The following PNPLA7 variants were observed in gnomAD, a reference collection of about 807,000 sequenced individuals.
The protein encoded by PNPLA7 is patatin like domain 7, lysophospholipase.
Under a neutral mutation model 161.7 loss-of-function variants are expected in PNPLA7, and 153 were observed. The observed-to-expected ratio is 0.95, with a 90% CI of 0.83 to 1.08. PNPLA7 has a LOEUF of 1.08. Ranked by LOEUF, PNPLA7 falls within the 50% of genes least tolerant of loss-of-function variation. PNPLA7 has a pLI of 0.00. For missense variants in PNPLA7, 1,739 were observed against 1,856.6 expected (o/e 0.94, Z 1.16); for synonymous variants, 809 against 782.1 (o/e 1.03, Z -0.57).
In PNPLA7 at chr9:137,490,071, A is replaced by G. The variant is rs543290398; in HGVS notation, c.2197+2942T>C. The stretch of plus-strand genomic sequence containing the variant: ...GACACTTCCAAATCACATTTCTGAA[A>G]ACTAAAGACAGAGAAAAACACCTTT... On this transcript the variant is annotated intron_variant, in intron 20 of 34. Transcript: ENST00000406427. The surrounding 1 kb of genome is among the most constrained non-coding windows in gnomAD (Gnocchi z 4.1). Among the ~76,000 whole-genome samples the G allele has an allele frequency of 1.6e-4, 25 of 152,214 alleles. No individual in the cohort carries two copies. Among genetic ancestry groups the G allele is most frequent in the Admixed American group, 6.5e-5 (1 of 15,278 alleles).
chr9:137,543,708 G>T lies in PNPLA7; in HGVS notation c.365+16C>A. The T allele has an allele frequency of 3.1e-6, 5 of 1,613,476 alleles. No homozygotes were observed. Among genetic ancestry groups the T allele is most frequent in the Non-Finnish European group, 4.2e-6 (5 of 1,179,462 alleles). On this transcript the variant is annotated intron_variant, in intron 5 of 34. Coordinates refer to ENST00000406427, the MANE Select transcript of PNPLA7 (RefSeq NM_001098537.3). The surrounding 1 kb of genome is among the most constrained non-coding windows in gnomAD (Gnocchi z 6.9). ...GGGCACCTGGGGCAGGATGTGGTCT[G>T]AAGGACACACAGTACCTCTTGGCCA... is the stretch of plus-strand genomic sequence containing the variant.
rs182738585 is a variant in PNPLA7 at position 137,496,497 on chromosome 9, C to T, written c.2013+690G>A. On this transcript the variant is annotated intron_variant, in intron 18 of 34. Coordinates refer to ENST00000406427, the MANE Select transcript of PNPLA7 (RefSeq NM_001098537.3). ...GAGGCTGAAGTGAGTGAATCACCTG[C>T]GGTCGGGAGTTGGAGACCAGCCTGA... Among the ~76,000 whole-genome samples, 7 of 151,698 alleles carry T rather than the reference C, an allele frequency of 4.6e-5. No individual in the cohort carries two copies. In the East Asian group the frequency reaches 7.9e-4, roughly 17 times the overall value.
rs770785127 is a variant in PNPLA7 at position 137,524,344 on chromosome 9, T to C, written c.748-1487A>G. Among the ~76,000 whole-genome samples the C allele has an allele frequency of 4.0e-5, 6 of 149,930 alleles. No homozygotes were observed. The highest frequency in any genetic ancestry group is 7.4e-5 in the Non-Finnish European group (5 of 67,402). ...GTCTCCGTCCATTCAGCAGTCGAGA[T>C]TCCCCCACGGTGGCGCGTCTGCCAG... On this transcript the variant is annotated intron_variant, in intron 8 of 34. Transcript: ENST00000406427. This position sits in a 1 kb window ranked among gnomAD's most constrained non-coding sequence, Gnocchi z 4.4.
At chr9:137,480,114 C>T (rs983823731) in intron 23 of PNPLA7, among the ~76,000 whole-genome samples, 198 bp downstream of exon 23, 4 of 152,276 alleles carry the variant, frequency 2.6e-5, no homozygotes, top group Non-Finnish European at 5.9e-5. Flanking sequence ...CGTGGGGCAC[C>T]TGCCCTGCTC....
rs113351942 is a variant in PNPLA7 at position 137,509,634 on chromosome 9, G to A, written c.1226-3551C>T. 2.7e-4 allele frequency: 110 copies of A among 408,980 alleles called. 2 individuals are homozygous for A. Among genetic ancestry groups the A allele is most frequent in the Non-Finnish European group, 4.0e-4 (79 of 195,660 alleles). The allele number at this position is 408,980 out of a possible 1,614,324, so 25.3% of individuals were successfully genotyped here. On this transcript the variant is annotated intron_variant, in intron 12 of 34. Coordinates refer to ENST00000406427, the MANE Select transcript of PNPLA7 (RefSeq NM_001098537.3). ...GCTAGTATGAATGAGTTTAACTGGCGTGAATGAGTTTAGCTGGCATGAGTG... is the reference window on the plus strand; with the variant it reads ...GCTAGTATGAATGAGTTTAACTGGCATGAATGAGTTTAGCTGGCATGAGTG...
At chr9:137,510,820 A>ACCC (rs1380057342) in intron 12 of PNPLA7, among the ~76,000 whole-genome samples, 1 of 152,230 alleles carries the variant, frequency 6.6e-6, no homozygotes, top group Admixed American at 6.5e-5. Context: ...GTGGGCGGAA[A>ACCC]GTCACCCAGG....
At chr9:137,536,863 C>T (rs933512969) in intron 8 of PNPLA7, among the ~76,000 whole-genome samples, 13 of 144,630 alleles carry the variant, frequency 9.0e-5, no homozygotes, top group African/African-American at 2.4e-4. Context: ...TCATCTCCCA[C>T]GACAGGAAGC....
chr9:137,463,872 T>C (rs1360733249), intron 28 of PNPLA7, among the ~76,000 whole-genome samples: 1 of 152,142 alleles, frequency 6.6e-6, no homozygotes, highest in African/African-American at 2.4e-5. Flanking sequence ...TCTCACATGG[T>C]ATCCATCAGT....
At chr9:137,545,609 A>G (rs1046904880) in intron 4 of PNPLA7, among the ~76,000 whole-genome samples, 2 of 152,256 alleles carry the variant, frequency 1.3e-5, no homozygotes, top group African/African-American at 2.4e-5. Context: ...TAGATCTTAG[A>G]TATGATTATA....
In PNPLA7 at chr9:137,464,460, G is replaced by A; in HGVS notation, c.3040-4C>T. On this transcript the variant is annotated splice_region_variant and splice_polypyrimidine_tract_variant and intron_variant, in intron 26 of 34. Coordinates refer to ENST00000406427, the MANE Select transcript of PNPLA7 (RefSeq NM_001098537.3). The stretch of plus-strand genomic sequence containing the variant: ...CCTTCATCAAGGACGTCATGCCCTG[G>A]GGCCACATGTGGAATTTACAGAAGG... The A allele has an allele frequency of 6.2e-7, 1 of 1,612,860 alleles. No individual in the cohort carries two copies. The highest frequency in any genetic ancestry group is 8.5e-7 in the Non-Finnish European group (1 of 1,179,138).
Position 137,467,503 on chromosome 9 carries a change from G to A in PNPLA7, c.2883-30C>T. On this transcript the variant is annotated intron_variant, in intron 25 of 34. Transcript: ENST00000406427. This position sits in a 1 kb window ranked among gnomAD's most constrained non-coding sequence, Gnocchi z 5.1. ...ACCAGCCAGGGACACAGAGCAAGGA[G>A]TGAGTACCAGGCCCAGGCTGCGCCC... 2.5e-6 allele frequency: 4 copies of A among 1,609,692 alleles called. No homozygotes were observed. The highest frequency in any genetic ancestry group is 3.4e-6 in the Non-Finnish European group (4 of 1,178,592).
At chr9:137,529,777 C>G (rs569528197) in intron 8 of PNPLA7, among the ~76,000 whole-genome samples, 1 of 151,472 alleles carries the variant, frequency 6.6e-6, no homozygotes, top group Admixed American at 6.6e-5. Flanking sequence ...CCTGCCTCAG[C>G]CCCCTGAGTA....
Position 137,462,055 on chromosome 9 carries a change from C to A in PNPLA7, c.3646-14G>T. 6.4e-7 allele frequency: 1 copy of A among 1,568,364 alleles called. No homozygotes were observed. Among genetic ancestry groups the A allele is most frequent in the South Asian group, 1.2e-5 (1 of 86,378 alleles). On this transcript the variant is annotated splice_polypyrimidine_tract_variant and intron_variant, in intron 31 of 34. Transcript: ENST00000406427. ...GTAGCCCACTTCCTGTGCACACCCC[C>A]AGGGCCCCGTCAGGAGGTGTGGGGA...
rs963517470 is a variant in PNPLA7, at chr9:137,515,318, G to A, written c.1225+61C>T. 4 of 1,563,558 alleles carry A rather than the reference G, an allele frequency of 2.6e-6. No homozygotes were observed. In the African/African-American group the frequency reaches 5.4e-5, roughly 21 times the overall value. On this transcript the variant is annotated intron_variant, in intron 12 of 34. Transcript: ENST00000406427. Reference sequence around the variant, plus strand: ...GCTGGGCATCAGTGCAGCTCAGCCTGGGTCTCAGATGCCGAGGGCCTGTGG... The same window carrying A: ...GCTGGGCATCAGTGCAGCTCAGCCTAGGTCTCAGATGCCGAGGGCCTGTGG...
rs757681278 is a variant in PNPLA7, at chr9:137,478,073, C to T, written c.2843G>A (p.Gly948Asp). ...CCCAAGCACCAGGGCAATGGCGTTG[C>T]CCGTCAGCACCCTCGCCAGGCGGGA... ...DFSRLARVLT[G>D]NAIALVLGGG... is the part of the protein sequence containing the mutation. The change falls in exon 25 of 35, where the codon GGC (glycine) becomes GAC (aspartate). Residue 948 changes from glycine to aspartate, a missense_variant. Gly to Asp is a moderately conservative substitution (Grantham distance 94). Transcript: ENST00000406427. 4.3e-6 allele frequency: 6 copies of T among 1,406,538 alleles called. No individual in the cohort carries two copies. In the African/African-American group the frequency reaches 4.5e-5, roughly 11 times the overall value. The allele number at this position is 1,406,538 out of a possible 1,614,324, so 87.1% of individuals were successfully genotyped here.
Position 137,543,896 on chromosome 9 carries a change from G to A in PNPLA7, c.274-81C>T. 8.1e-7 allele frequency: 1 copy of A among 1,227,012 alleles called. No individual in the cohort carries two copies. The highest frequency in any genetic ancestry group is 1.2e-6 in the Non-Finnish European group (1 of 835,918). The allele number at this position is 1,227,012 out of a possible 1,614,324, so 76.0% of individuals were successfully genotyped here. A position where few individuals can be genotyped will look rare whatever the true frequency, so the allele number is the denominator to read the frequency against. On this transcript the variant is annotated intron_variant, in intron 4 of 34. Transcript: ENST00000406427. This position sits in a 1 kb window ranked among gnomAD's most constrained non-coding sequence, Gnocchi z 6.9. ...TCTTTGCCATGGGGATCAGTCCTCA[G>A]GACCTGCCTGTGGGCCTCCCACAGT...
At chr9:137,522,679 C>A (rs758001852) in intron 9 of PNPLA7, 50 bp downstream of exon 9, 2 of 1,606,358 alleles carry the variant, frequency 1.2e-6, no homozygotes, top group Non-Finnish European at 1.7e-6. Flanking sequence ...CCCAGGCCCC[C>A]CCAGGGTGAC....
intron 26 of PNPLA7, among the ~76,000 whole-genome samples, chr9:137,465,902 CCTCTGCTGCCCG>C (rs1420065465): frequency 6.6e-6 from 1 of 152,178 alleles, no homozygotes; most frequent in Non-Finnish European, 1.5e-5. Flanking sequence ...TGGCTGCCTC[CCTCTGCTGCCCG>C]AGGGGAGCCT....
At chr9:137,526,975 G>A (rs1835332696) in intron 8 of PNPLA7, among the ~76,000 whole-genome samples, 1 of 151,966 alleles carries the variant, frequency 6.6e-6, no homozygotes, top group Non-Finnish European at 1.5e-5. Flanking sequence ...GGAGTGGTAA[G>A]AACACACACT....
Sources: gnomAD v4.1 joint callset for allele counts (sites outside exome capture counted in the v4.1 genomes callset) on GRCh38, gnomAD v4.1.1 for gene constraint, Gnocchi (gnomAD v3.1) non-coding constraint, MANE v1.5 for transcripts, NCBI Gene and HGNC (gene_info 2026-07-23, HGNC 2026-07-21) for gene names.